Variants in FBXL7 observed in about 807,000 individuals in gnomAD.
FBXL7 encodes the protein F-box/LRR-repeat protein 7.
In FBXL7, 12 loss-of-function variants were observed where a neutral mutation model predicts 38.3. That is an observed-to-expected ratio of 0.31 (90% CI 0.20 to 0.51). The LOEUF (loss-of-function observed/expected upper bound fraction) is 0.51, where lower values mean the gene tolerates loss of function less well. Ranked by LOEUF, FBXL7 falls within the 20% of genes least tolerant of loss-of-function variation. The probability of loss-of-function intolerance (pLI) is 0.98; values close to 1 mark genes in which losing one functional copy is unlikely to be tolerated. For synonymous variants in FBXL7, 297 were observed against 300.9 expected, an observed-to-expected ratio of 0.99 and a Z score of 0.13; for missense variants, 567 against 676.4, an observed-to-expected ratio of 0.84 and a Z score of 1.79.
At chr5:15,662,055 G>A (rs1742097860) in intron 2 of FBXL7, among the ~76,000 whole-genome samples, 1 of 152,142 alleles carries the variant, frequency 6.6e-6, no homozygotes, top group Non-Finnish European at 1.5e-5. Flanking sequence ...GCCAGTAAAG[G>A]GATTGCTGGG....
chr5:15,779,931 C>G (rs1264852641), intron 2 of FBXL7, among the ~76,000 whole-genome samples: 2 of 152,158 alleles, frequency 1.3e-5, no homozygotes, highest in African/African-American at 2.4e-5. Context: ...TCACTCTGCT[C>G]TCTCCAAACC....
At chr5:15,833,681 G>A (rs1426161312) in intron 2 of FBXL7, among the ~76,000 whole-genome samples, 2 of 152,172 alleles carry the variant, frequency 1.3e-5, no homozygotes, top group African/African-American at 2.4e-5. Flanking sequence ...CCGTTTTTCT[G>A]TGTGATGCAC....
chr5:15,785,344 A>G (rs1026872413), intron 2 of FBXL7, among the ~76,000 whole-genome samples: 5 of 152,212 alleles, frequency 3.3e-5, no homozygotes, highest in Non-Finnish European at 4.4e-5. Flanking sequence ...ACCATGATAC[A>G]CATTCACGTG....
chr5:15,777,842 A>T (rs1736897570), intron 2 of FBXL7, among the ~76,000 whole-genome samples: 1 of 151,890 alleles, frequency 6.6e-6, no homozygotes, highest in African/African-American at 2.4e-5. Flanking sequence ...ATCTAGGACA[A>T]TACTAATTTA....
At chr5:15,704,871 C>A (rs1244011551) in intron 2 of FBXL7, among the ~76,000 whole-genome samples, 1 of 151,942 alleles carries the variant, frequency 6.6e-6, no homozygotes, top group African/African-American at 2.4e-5. Flanking sequence ...CCCACCTATT[C>A]TTTTTTCTCA....
chr5:15,726,423 C>T (rs983395083), intron 2 of FBXL7, among the ~76,000 whole-genome samples: 17 of 151,872 alleles, frequency 1.1e-4, no homozygotes, highest in African/African-American at 3.4e-4. Context: ...AGTGAGACAT[C>T]GCCCCTTAAA....
intron 2 of FBXL7, among the ~76,000 whole-genome samples, chr5:15,793,443 T>C (rs990938922): frequency 2.6e-5 from 4 of 152,222 alleles, no homozygotes; most frequent in Non-Finnish European, 4.4e-5. Context: ...CTGATGTCTC[T>C]TATAAGGATA....
intron 1 of FBXL7, among the ~76,000 whole-genome samples, chr5:15,570,714 C>T (rs973464015): frequency 3.3e-5 from 5 of 152,204 alleles, no homozygotes; most frequent in African/African-American, 1.2e-4. Flanking sequence ...GCTCCACACA[C>T]GGCTCGGCCT....
At chr5:15,832,615 C>T in intron 2 of FBXL7, among the ~76,000 whole-genome samples, 1 of 152,156 alleles carries the variant, frequency 6.6e-6, no homozygotes, top group East Asian at 1.9e-4. Flanking sequence ...AGAAGGAAAG[C>T]TGATGCAGAC....
chr5:15,611,330 C>CT (rs1740228105), intron 1 of FBXL7, among the ~76,000 whole-genome samples: 1 of 102,378 alleles, frequency 9.8e-6, no homozygotes, highest in African/African-American at 3.7e-5. Context: ...TTTTTTTTTG[C>CT]TTTTTGTACT....
At chr5:15,806,445 A>G (rs1458442934) in intron 2 of FBXL7, among the ~76,000 whole-genome samples, 1 of 152,170 alleles carries the variant, frequency 6.6e-6, no homozygotes, top group African/African-American at 2.4e-5. Flanking sequence ...AGTATCAATA[A>G]CCTCAAAATA....
chr5:15,710,163 C>T (rs1483621538), intron 2 of FBXL7, among the ~76,000 whole-genome samples: 1 of 152,116 alleles, frequency 6.6e-6, no homozygotes, highest in Non-Finnish European at 1.5e-5. Flanking sequence ...TGCCAAAAAC[C>T]CCTAGGGGTT....
At chr5:15,900,679 CAAAT>C (rs754424981) in intron 2 of FBXL7, among the ~76,000 whole-genome samples, 9 of 152,052 alleles carry the variant, frequency 5.9e-5, no homozygotes, top group Non-Finnish European at 8.8e-5. Flanking sequence ...CTCCAAATAA[CAAAT>C]AAATCAATAA....
chr5:15,848,922 G>A (rs149081855), intron 2 of FBXL7, among the ~76,000 whole-genome samples: 42 of 152,312 alleles, frequency 2.8e-4, no homozygotes, highest in African/African-American at 9.6e-4. Flanking sequence ...CCGAGTGAAT[G>A]TTTTCAAATG....
At chr5:15,668,144 G>A (rs553525289) in intron 2 of FBXL7, among the ~76,000 whole-genome samples, 20 of 152,224 alleles carry the variant, frequency 1.3e-4, no homozygotes, top group African/African-American at 2.9e-4. Context: ...AATCAGCCTC[G>A]AAAACTGATT....
intron 2 of FBXL7, among the ~76,000 whole-genome samples, chr5:15,886,516 C>T (rs990053543): frequency 6.6e-6 from 1 of 152,152 alleles, no homozygotes; most frequent in African/African-American, 2.4e-5. Context: ...TAAAAAGCAA[C>T]CCCAATGTAT....
At chr5:15,929,139 C>T (rs1741972878) in intron 3 of FBXL7, among the ~76,000 whole-genome samples, 4 of 152,166 alleles carry the variant, frequency 2.6e-5, no homozygotes. Context: ...CAGACGGTGC[C>T]CACTGTGGGT....
chr5:15,937,081 G>C lies in FBXL7; in HGVS notation c.1371G>C (p.Gln457His). The change falls in exon 4 of 4, where the codon CAG becomes CAC. Residue 457 changes from glutamine to histidine, a missense_variant. Physicochemically the swap from Gln to His is conservative, Grantham distance 24 (BLOSUM62 0). Coordinates refer to ENST00000504595, the MANE Select transcript of FBXL7 (RefSeq NM_012304.5). Reference protein sequence around the residue: ...QIVAANCFDLQTLNVQDCEVS... With the variant: ...QIVAANCFDLHTLNVQDCEVS... ...TGGCCGCCAACTGCTTTGACCTCCAGACGCTGAATGTCCAGGACTGCGAGG... is the reference window on the plus strand; with the variant it reads ...TGGCCGCCAACTGCTTTGACCTCCACACGCTGAATGTCCAGGACTGCGAGG... 1 of 1,613,996 alleles carries C rather than the reference G, an allele frequency of 6.2e-7. No homozygotes were observed. Among genetic ancestry groups the C allele is most frequent in the Non-Finnish European group, 8.5e-7 (1 of 1,179,898 alleles).
intron 2 of FBXL7, among the ~76,000 whole-genome samples, chr5:15,631,421 C>T (rs1026369387): frequency 5.3e-5 from 8 of 151,938 alleles, no homozygotes; most frequent in African/African-American, 1.9e-4. Flanking sequence ...GTGGGCTGGG[C>T]GTGGTGGCTC....
Sources: gnomAD v4.1 joint callset for allele counts (sites outside exome capture counted in the v4.1 genomes callset) on GRCh38, gnomAD v4.1.1 for gene constraint, MANE v1.5 for transcripts, NCBI Gene and HGNC (gene_info 2026-07-23, HGNC 2026-07-21) for gene names.